Variants in BBS9 observed in about 807,000 individuals in gnomAD.
BBS9 encodes the protein Bardet-Biedl syndrome 9.
BBS9 carries 89 observed loss-of-function variants against 117.7 expected under a neutral mutation model. The observed-to-expected ratio is 0.76, with a 90% CI of 0.64 to 0.90. The LOEUF (loss-of-function observed/expected upper bound fraction) is 0.90, where lower values mean the gene tolerates loss of function less well. Ranked by LOEUF, BBS9 falls within the 40% of genes least tolerant of loss-of-function variation. BBS9 has a pLI of 0.00. For missense variants in BBS9, 982 were observed against 1,042.2 expected, an observed-to-expected ratio of 0.94 and a Z score of 0.80; for synonymous variants, 379 against 370.9, an observed-to-expected ratio of 1.02 and a Z score of -0.25.
At chr7:33,376,824 T>G (rs1823987447) in intron 17 of BBS9, among the ~76,000 whole-genome samples, 1 of 152,240 alleles carries the variant, frequency 6.6e-6, no homozygotes, top group Non-Finnish European at 1.5e-5. Context: ...TTCATGTGCT[T>G]GTTGGCCATA....
chr7:33,427,053 C>A (rs1833764360), intron 19 of BBS9, among the ~76,000 whole-genome samples: 1 of 152,060 alleles, frequency 6.6e-6, no homozygotes, highest in Non-Finnish European at 1.5e-5. Context: ...GATTTGGGTT[C>A]CCTAAGCTCA....
chr7:33,562,936 A>AG (rs1856311334), intron 21 of BBS9, among the ~76,000 whole-genome samples: 1 of 152,200 alleles, frequency 6.6e-6, no homozygotes, highest in African/African-American at 2.4e-5. Flanking sequence ...AGAAAAAAAA[A>AG]GAAAAAGAGA....
At chr7:33,607,240 G>A (rs117318948), downstream of BBS9, among the ~76,000 whole-genome samples, 729 of 152,182 alleles carry the variant, frequency 4.8e-3, 39 homozygotes, top group East Asian at 0.12. Flanking sequence ...TGGAGAAGCC[G>A]GTGATTTAGA....
intron 19 of BBS9, among the ~76,000 whole-genome samples, chr7:33,482,135 A>G (rs1007289210): frequency 6.6e-6 from 1 of 152,160 alleles, no homozygotes; most frequent in Non-Finnish European, 1.5e-5. Flanking sequence ...AAAGTCAGAC[A>G]GTTACTCAAC....
At chr7:33,387,505 TG>T (rs767337738) in intron 18 of BBS9, among the ~76,000 whole-genome samples, 11 of 152,296 alleles carry the variant, frequency 7.2e-5, no homozygotes, top group African/African-American at 1.2e-4. Context: ...TAAATGTTTT[TG>T]TTTTTTTTAG....
intron 6 of BBS9, among the ~76,000 whole-genome samples, chr7:33,258,959 T>A (rs573294788): frequency 3.9e-5 from 6 of 152,204 alleles, no homozygotes; most frequent in Non-Finnish European, 8.8e-5. Context: ...AATGTACACG[T>A]TATGCATTAT....
At chr7:33,341,336 G>A (rs911690406) in intron 11 of BBS9, among the ~76,000 whole-genome samples, 2 of 151,948 alleles carry the variant, frequency 1.3e-5, no homozygotes, top group African/African-American at 4.8e-5. Flanking sequence ...CCAGATTTTT[G>A]TTGGAGATTC....
intron 5 of BBS9, among the ~76,000 whole-genome samples, chr7:33,233,151 T>C (rs978267731): frequency 6.6e-6 from 1 of 152,158 alleles, no homozygotes; most frequent in Non-Finnish European, 1.5e-5. Context: ...TCTTCAAGGT[T>C]AGATCTGAAT....
chr7:33,484,431 A>G (rs1297832842), intron 19 of BBS9, among the ~76,000 whole-genome samples: 1 of 152,196 alleles, frequency 6.6e-6, no homozygotes, highest in Admixed American at 6.5e-5. Context: ...GAAACAGAAC[A>G]CATACTTATT....
chr7:33,404,838 C>T (rs1156427147), intron 19 of BBS9, among the ~76,000 whole-genome samples: 1 of 152,126 alleles, frequency 6.6e-6, no homozygotes, highest in Non-Finnish European at 1.5e-5. Context: ...CCCTTTATTT[C>T]ATTCTCCTGC....
chr7:33,580,015 T>C (rs1859609055), intron 21 of BBS9, among the ~76,000 whole-genome samples: 1 of 152,194 alleles, frequency 6.6e-6, no homozygotes, highest in South Asian at 2.1e-4. Flanking sequence ...TTATTTATGA[T>C]AACAATAACA....
intron 21 of BBS9, among the ~76,000 whole-genome samples, chr7:33,588,232 G>T (rs1318895952): frequency 6.6e-6 from 1 of 152,022 alleles, no homozygotes; most frequent in African/African-American, 2.4e-5. Flanking sequence ...CTAAAGATTT[G>T]TATCAGCTAA....
intron 21 of BBS9, among the ~76,000 whole-genome samples, chr7:33,580,711 T>C (rs895963864): frequency 2.6e-5 from 4 of 152,174 alleles, no homozygotes; most frequent in African/African-American, 4.8e-5. Flanking sequence ...GAGTTATTCA[T>C]TCATCTCTTC....
chr7:33,624,173 C>G (rs1865537040), intron 21 of BBS9, among the ~76,000 whole-genome samples: 1 of 152,142 alleles, frequency 6.6e-6, no homozygotes, highest in African/African-American at 2.4e-5. Context: ...TTTTGTCAGA[C>G]TTTATTTCCC....
chr7:33,389,895 A>G (rs1267904791), intron 19 of BBS9, among the ~76,000 whole-genome samples: 1 of 151,998 alleles, frequency 6.6e-6, no homozygotes, highest in Non-Finnish European at 1.5e-5. Flanking sequence ...AAATGAGATG[A>G]CTACTCTTTT....
intron 19 of BBS9, among the ~76,000 whole-genome samples, chr7:33,422,284 T>C (rs1056353723): frequency 6.6e-6 from 1 of 152,190 alleles, no homozygotes; most frequent in Non-Finnish European, 1.5e-5. Context: ...TTCATTTTAC[T>C]TTGTGAATAA....
At chr7:33,279,071 T>A (rs535662863) in intron 9 of BBS9, among the ~76,000 whole-genome samples, 1 of 152,358 alleles carries the variant, frequency 6.6e-6, no homozygotes, top group East Asian at 1.9e-4. Flanking sequence ...AGGGTCTTGC[T>A]CTATTGCTCA....
chr7:33,509,678 T>G (rs1362226009), intron 20 of BBS9, among the ~76,000 whole-genome samples: 1 of 152,160 alleles, frequency 6.6e-6, no homozygotes, highest in Non-Finnish European at 1.5e-5. Context: ...TTGTTTATGT[T>G]TCAGACAGCA....
At chr7:33,205,741 A>G (rs1406911803) in intron 5 of BBS9, among the ~76,000 whole-genome samples, 1 of 152,128 alleles carries the variant, frequency 6.6e-6, no homozygotes, top group Non-Finnish European at 1.5e-5. Context: ...CTGTTCATAT[A>G]TTTGATTTCT....
Sources: gnomAD v4.1 joint callset for allele counts (sites outside exome capture counted in the v4.1 genomes callset) on GRCh38, gnomAD v4.1.1 for gene constraint, MANE v1.5 for transcripts, NCBI Gene and HGNC (gene_info 2026-07-23, HGNC 2026-07-21) for gene names.